Variants in ASTN1 observed in about 807,000 individuals in gnomAD.
ASTN1 encodes the protein astrotactin-1.
Under a neutral mutation model 140.7 loss-of-function variants are expected in ASTN1, and 41 were observed. The observed-to-expected ratio is 0.29, with a 90% CI of 0.23 to 0.38. ASTN1 has a LOEUF of 0.38. ASTN1 is among the 10% of genes least tolerant of loss of function. ASTN1 has a pLI of 1.00. For synonymous variants in ASTN1, 640 were observed against 652.2 expected (o/e 0.98, Z 0.29); for missense variants, 1,479 against 1,678.8 (o/e 0.88, Z 2.08).
At chr1:176,970,388 G>A (rs1673085906) in intron 8 of ASTN1, among the ~76,000 whole-genome samples, 1 of 152,186 alleles carries the variant, frequency 6.6e-6, no homozygotes, top group Admixed American at 6.5e-5. Flanking sequence ...GACTACTCTT[G>A]CCTTAACAAG....
intron 1 of ASTN1, among the ~76,000 whole-genome samples, chr1:177,149,023 GATAT>G (rs143970091): frequency 2.3e-5 from 3 of 130,758 alleles, no homozygotes; most frequent in African/African-American, 5.7e-5. Context: ...AGAGGAAGGA[GATAT>G]ATATATATAT....
intron 2 of ASTN1, among the ~76,000 whole-genome samples, chr1:177,034,565 G>A (rs1676617608): frequency 6.6e-6 from 1 of 152,002 alleles, no homozygotes; most frequent in South Asian, 2.1e-4. Flanking sequence ...CATCCTGGCA[G>A]CCCTGCAGAC....
intron 1 of ASTN1, among the ~76,000 whole-genome samples, chr1:177,065,609 G>A (rs953746387): frequency 2.6e-5 from 4 of 152,318 alleles, no homozygotes; most frequent in East Asian, 1.9e-4. Context: ...AGAGAACAAT[G>A]TGTACAAAGG....
chr1:176,883,581 G>A (rs559753602), intron 19 of ASTN1, among the ~76,000 whole-genome samples: 1 of 152,194 alleles, frequency 6.6e-6, no homozygotes, highest in Admixed American at 6.5e-5. Context: ...ATACCTGTGC[G>A]CATCAGGCAA....
At chr1:176,943,786 C>T in intron 14 of ASTN1, 105 bp downstream of exon 14, 2 of 1,359,330 alleles carry the variant, frequency 1.5e-6, no homozygotes, top group Non-Finnish European at 1.9e-6. Context: ...TGAAGGAAAT[C>T]ACTGGCTTAG....
chr1:177,142,566 C>T (rs879786398), intron 1 of ASTN1, among the ~76,000 whole-genome samples: 1 of 152,014 alleles, frequency 6.6e-6, no homozygotes, highest in Non-Finnish European at 1.5e-5. Flanking sequence ...TAGTAGCTTC[C>T]AATCAAATGG....
Position 177,032,791 on chromosome 1 carries a change from C to A in ASTN1, c.530G>T (p.Arg177Leu). The A allele has an allele frequency of 6.2e-7, 1 of 1,612,544 alleles. No homozygotes were observed. The highest frequency in any genetic ancestry group is 8.5e-7 in the Non-Finnish European group (1 of 1,179,930). The part of the protein sequence containing the change: ...ILCLVMILYT[R>L]RRWCKRRRVP... ...CCGGCGGCGTTTGCACCAGCGCCGG[C>A]GAGTATACAGGATCATCACCAGGCA... The change falls in exon 3 of 23, where the codon CGC becomes CTC. Residue 177 changes from arginine (R) to leucine (L), a missense_variant. This residue lies in a region of ASTN1 where 729 missense variants were observed against 860.4 expected (regional missense o/e 0.85). Transcript: ENST00000361833.
At chr1:176,985,893 CACAG>C (rs1179261381) in intron 8 of ASTN1, among the ~76,000 whole-genome samples, 13 of 143,882 alleles carry the variant, frequency 9.0e-5, no homozygotes, top group Admixed American at 7.7e-4. Flanking sequence ...CACACACACA[CACAG>C]ACAGCCTTTT....
intron 1 of ASTN1, among the ~76,000 whole-genome samples, chr1:177,097,796 TA>T (rs1680096555): frequency 6.6e-6 from 1 of 152,124 alleles, no homozygotes; most frequent in African/African-American, 2.4e-5. Flanking sequence ...GAGATTGCAC[TA>T]ATCATCAGTG....
chr1:177,001,070 C>T (rs1345070618), intron 8 of ASTN1, among the ~76,000 whole-genome samples: 2 of 152,164 alleles, frequency 1.3e-5, no homozygotes, highest in Non-Finnish European at 2.9e-5. Context: ...CTGCCCAAAC[C>T]ACCCCCAGAC....
intron 14 of ASTN1, among the ~76,000 whole-genome samples, chr1:176,940,225 C>T (rs1034301509): frequency 9.2e-5 from 14 of 152,136 alleles, no homozygotes; most frequent in Non-Finnish European, 1.6e-4. Context: ...TCCGCAGCAA[C>T]CAGCTCAGAA....
At chr1:177,160,365 A>T (rs951732330) in intron 1 of ASTN1, among the ~76,000 whole-genome samples, 19 of 152,184 alleles carry the variant, frequency 1.2e-4, no homozygotes, top group African/African-American at 4.6e-4. Context: ...AGACACTTTA[A>T]ACAGCACCTT....
At chr1:176,999,816 CATTTCCCCTG>C in intron 8 of ASTN1, among the ~76,000 whole-genome samples, 1 of 152,106 alleles carries the variant, frequency 6.6e-6, no homozygotes, top group South Asian at 2.1e-4. Flanking sequence ...ATGTGTCTGG[CATTTCCCCTG>C]CTGGCACTTA....
At chr1:176,870,767 T>A (rs990479255) in intron 21 of ASTN1, among the ~76,000 whole-genome samples, 2 of 152,206 alleles carry the variant, frequency 1.3e-5, no homozygotes, top group South Asian at 4.1e-4. Flanking sequence ...ATTCTCATAT[T>A]GTTAAAAATG....
At chr1:177,107,924 CT>C (rs926431416) in intron 1 of ASTN1, among the ~76,000 whole-genome samples, 27 of 151,356 alleles carry the variant, frequency 1.8e-4, no homozygotes, top group East Asian at 5.8e-4. Context: ...TGGGAGGATA[CT>C]TTTTTTTTAA....
chr1:176,973,650 A>T (rs1673237727), intron 8 of ASTN1, among the ~76,000 whole-genome samples: 2 of 151,830 alleles, frequency 1.3e-5, no homozygotes, highest in South Asian at 4.2e-4. Flanking sequence ...AACCTCTGAC[A>T]CCTCCTCCCC....
At chr1:176,909,382 G>A (rs1473497645) in intron 16 of ASTN1, among the ~76,000 whole-genome samples, 1 of 152,194 alleles carries the variant, frequency 6.6e-6, no homozygotes, top group Admixed American at 6.5e-5. Flanking sequence ...AGGCATGCTT[G>A]TTTAGAATGA....
At chr1:177,120,707 G>A (rs890978585) in intron 1 of ASTN1, among the ~76,000 whole-genome samples, 13 of 152,058 alleles carry the variant, frequency 8.5e-5, no homozygotes, top group Non-Finnish European at 1.6e-4. Flanking sequence ...GCTGTCTCCC[G>A]GTTTTTCTGC....
chr1:176,867,674 A>G (rs1668174386), intron 22 of ASTN1, among the ~76,000 whole-genome samples: 1 of 152,206 alleles, frequency 6.6e-6, no homozygotes. Context: ...ATTTTATTTC[A>G]GGAGATAAAC....
Sources: allele counts gnomAD v4.1 joint callset (sites outside exome capture counted in the v4.1 genomes callset), GRCh38; gene constraint gnomAD v4.1.1; regional missense constraint gnomAD v4.1.1; transcripts MANE v1.5; gene names NCBI Gene and HGNC (gene_info 2026-07-23, HGNC 2026-07-21).